AOAH: variants seen among roughly 807,000 people sequenced by gnomAD.
AOAH encodes acyloxyacyl hydrolase.
A neutral mutation model predicts 92.2 loss-of-function variants in AOAH; 64 were observed. That is an observed-to-expected ratio of 0.69 (90% CI 0.57 to 0.86). AOAH has a LOEUF of 0.86. AOAH is among the 40% of genes least tolerant of loss of function. The pLI, the probability that AOAH is intolerant of heterozygous loss-of-function variation, is 0.00. For synonymous variants in AOAH, 263 were observed against 254.5 expected (o/e 1.03, Z -0.32); for missense variants, 656 against 694.6 (o/e 0.94, Z 0.62).
At chr7:36,630,179 C>T (rs1312036744) in intron 6 of AOAH, among the ~76,000 whole-genome samples, 1 of 152,218 alleles carries the variant, frequency 6.6e-6, no homozygotes, top group Admixed American at 6.5e-5. Context: ...GCCATTTTGG[C>T]TCTGGACTTC....
At chr7:36,551,918 CT>C (rs1276771062) in intron 13 of AOAH, among the ~76,000 whole-genome samples, 2 of 152,086 alleles carry the variant, frequency 1.3e-5, no homozygotes, top group Non-Finnish European at 2.9e-5. Context: ...TTAATTTCAA[CT>C]TTTACTTTTG....
In AOAH at chr7:36,513,202, C is replaced by T. The variant is rs1188142400; in HGVS notation, c.*50G>A. On this transcript the variant is annotated 3_prime_UTR_variant, in exon 21 of 21. Transcript: ENST00000617537. ...CATAGGGTTTGTGGAATGAGTTTAC[C>T]CAAGCCTCTGCCTCCCTGTGCTCCC... 6.2e-7 allele frequency: 1 copy of T among 1,614,060 alleles called. No individual in the cohort carries two copies. The highest frequency in any genetic ancestry group is 1.1e-5 in the South Asian group (1 of 91,082).
At chr7:36,616,958 GGA>G (rs535120964) in intron 10 of AOAH, among the ~76,000 whole-genome samples, 1 of 152,192 alleles carries the variant, frequency 6.6e-6, no homozygotes, top group Non-Finnish European at 1.5e-5. Context: ...TCTGACTGAT[GGA>G]GACACGGAGA....
rs1290230813 is a variant in AOAH at position 36,686,711 on chromosome 7, T to C, written c.211A>G (p.Ser71Gly). Reference protein sequence around the residue: ...TVQASMERLCSYLPEKLFLKT... With the variant: ...TVQASMERLCGYLPEKLFLKT... ...GTCCCATATTTACCAGGCAGGTAGCTGCACAGTCTCTCCATCGAGGCCTGG... is the reference window on the plus strand; with the variant it reads ...GTCCCATATTTACCAGGCAGGTAGCCGCACAGTCTCTCCATCGAGGCCTGG... The change falls in exon 2 of 21, where the codon AGC becomes GGC. Residue 71 changes from serine to glycine, a missense_variant. By Grantham distance (56) the Ser-to-Gly change is moderately conservative. Coordinates refer to ENST00000617537, the MANE Select transcript of AOAH (RefSeq NM_001637.4). The C allele has an allele frequency of 6.5e-7, 1 of 1,543,818 alleles. No homozygotes were observed. The highest frequency in any genetic ancestry group is 1.2e-5 in the South Asian group (1 of 80,636).
chr7:36,632,304 G>A (rs906460997), intron 5 of AOAH, among the ~76,000 whole-genome samples, 198 bp from the exon 6 acceptor site: 1 of 152,006 alleles, frequency 6.6e-6, no homozygotes, highest in African/African-American at 2.4e-5. Context: ...TTGCCCATCG[G>A]GCTCCTCAGC....
At chr7:36,582,298 T>A (rs1788985233) in intron 12 of AOAH, among the ~76,000 whole-genome samples, 1 of 152,206 alleles carries the variant, frequency 6.6e-6, no homozygotes, top group South Asian at 2.1e-4. Context: ...AGACGGGTAC[T>A]TAAAAGTTCT....
At chr7:36,664,933 C>T (rs1270462661) in intron 3 of AOAH, among the ~76,000 whole-genome samples, 36 of 152,176 alleles carry the variant, frequency 2.4e-4, no homozygotes, top group Admixed American at 2.4e-3. Flanking sequence ...ACACTCTTTT[C>T]AACAAACAAA....
intron 13 of AOAH, among the ~76,000 whole-genome samples, chr7:36,576,081 A>G (rs1788478449): frequency 6.6e-6 from 1 of 152,226 alleles, no homozygotes; most frequent in East Asian, 1.9e-4. Context: ...TGGCTTATCA[A>G]TCAGAAGTTT....
At chr7:36,537,126 G>A (rs1785117357) in intron 16 of AOAH, among the ~76,000 whole-genome samples, 1 of 151,984 alleles carries the variant, frequency 6.6e-6, no homozygotes, top group African/African-American at 2.4e-5. Flanking sequence ...GTTGAGAAAT[G>A]TATAATTTAT....
chr7:36,582,564 T>A (rs1265990644), intron 12 of AOAH, among the ~76,000 whole-genome samples: 5 of 152,220 alleles, frequency 3.3e-5, no homozygotes, highest in African/African-American at 1.2e-4. Flanking sequence ...TCACTTTTTC[T>A]GAGAGCTTCC....
intron 1 of AOAH, among the ~76,000 whole-genome samples, chr7:36,710,927 AC>A (rs1225219083): frequency 6.6e-6 from 1 of 152,098 alleles, no homozygotes; most frequent in Non-Finnish European, 1.5e-5. Context: ...TGTTCGCATC[AC>A]CCTGTGTAAT....
At chr7:36,514,717 G>C in intron 20 of AOAH, 1 of 684,286 alleles carries the variant, frequency 1.5e-6, no homozygotes, top group Non-Finnish European at 2.5e-6. Flanking sequence ...CCTGCCAGAG[G>C]GGAATACATT....
chr7:36,718,834 G>A (rs1426783729), intron 1 of AOAH, among the ~76,000 whole-genome samples: 1 of 152,130 alleles, frequency 6.6e-6, no homozygotes, highest in Non-Finnish European at 1.5e-5. Flanking sequence ...TTTGGGGGGA[G>A]CAGTGAAATG....
Position 36,616,418 on chromosome 7 carries a change from T to G in AOAH, c.808A>C (p.Ile270Leu). The change falls in exon 11 of 21, where the codon ATC becomes CTC. Residue 270 changes from isoleucine (I) to leucine (L), a missense_variant. By Grantham distance (5) the Ile-to-Leu change is conservative. Coordinates refer to ENST00000617537, the MANE Select transcript of AOAH (RefSeq NM_001637.4). ...GACGCTGTGATCCATTCAGGAGAGATGTGAAAATGAGCCCCAGCTGAGTCT... is the reference window on the plus strand; with the variant it reads ...GACGCTGTGATCCATTCAGGAGAGAGGTGAAAATGAGCCCCAGCTGAGTCT... ...LGDSAGAHFH[I>L]SPEWITASQM... 6.2e-7 allele frequency: 1 copy of G among 1,614,120 alleles called. No homozygotes were observed. The highest frequency in any genetic ancestry group is 8.5e-7 in the Non-Finnish European group (1 of 1,179,998).
chr7:36,513,535 G>C (rs533233456), intron 20 of AOAH, among the ~76,000 whole-genome samples, 155 bp from the exon 21 acceptor site: 5 of 152,204 alleles, frequency 3.3e-5, no homozygotes, highest in African/African-American at 7.2e-5. Context: ...CCTTGCTGGC[G>C]GTGGGACCTA....
chr7:36,656,695 G>A (rs939016580), intron 4 of AOAH, among the ~76,000 whole-genome samples: 1 of 151,750 alleles, frequency 6.6e-6, no homozygotes, highest in African/African-American at 2.4e-5. Flanking sequence ...GTTTGTTTAC[G>A]TTTTTTATGA....
chr7:36,647,852 G>A (rs78994073), intron 4 of AOAH, among the ~76,000 whole-genome samples: 1 of 148,704 alleles, frequency 6.7e-6, no homozygotes, highest in Admixed American at 6.7e-5. Context: ...TTTTTTTTTG[G>A]TGGAGTATCG....
intron 4 of AOAH, among the ~76,000 whole-genome samples, chr7:36,646,617 C>T (rs186652482): frequency 1.2e-4 from 19 of 152,310 alleles, no homozygotes; most frequent in Admixed American, 2.6e-4. Context: ...GAAAACAACA[C>T]GAATATTCTT....
At chr7:36,598,813 T>C (rs764299700) in intron 11 of AOAH, among the ~76,000 whole-genome samples, 4 of 152,212 alleles carry the variant, frequency 2.6e-5, no homozygotes, top group Non-Finnish European at 2.9e-5. Flanking sequence ...CATTAAACAC[T>C]AAAAGCCTTA....
Sources: gnomAD v4.1 joint callset for allele counts (sites outside exome capture counted in the v4.1 genomes callset) on GRCh38, gnomAD v4.1.1 for gene constraint, MANE v1.5 for transcripts, NCBI Gene and HGNC (gene_info 2026-07-23, HGNC 2026-07-21) for gene names.